Variants in CHFR observed in about 807,000 individuals in gnomAD.
CHFR encodes the protein E3 ubiquitin-protein ligase CHFR.
CHFR carries 57 observed loss-of-function variants against 87.6 expected under a neutral mutation model. The ratio of observed to expected loss-of-function variants is 0.65; its 90% confidence interval spans 0.53 to 0.81. The LOEUF (loss-of-function observed/expected upper bound fraction) is 0.81, where lower values mean the gene tolerates loss of function less well. CHFR is among the 30% of genes least tolerant of loss of function. CHFR has a pLI of 0.00. For synonymous variants in CHFR, 381 were observed against 359.2 expected, an observed-to-expected ratio of 1.06 and a Z score of -0.69; for missense variants, 797 against 865.8, an observed-to-expected ratio of 0.92 and a Z score of 1.00.
chr12:132,870,643 G>C, intron 5 of CHFR, 81 bp downstream of exon 5: 1 of 1,008,526 alleles, frequency 9.9e-7, no homozygotes, highest in South Asian at 1.4e-5. Flanking sequence ...CTGGGTAACA[G>C]AGCGAGACTC....
At chr12:132,845,530 G>A (rs905001441) in intron 15 of CHFR, among the ~76,000 whole-genome samples, 7 of 151,990 alleles carry the variant, frequency 4.6e-5, no homozygotes, top group Non-Finnish European at 1.0e-4. Flanking sequence ...CACGCTTGTG[G>A]TCCCAGCTAC....
At chr12:132,880,426 G>T (rs375022775) in intron 2 of CHFR, among the ~76,000 whole-genome samples, 4 of 150,690 alleles carry the variant, frequency 2.7e-5, no homozygotes, top group African/African-American at 5.0e-5. Context: ...GGAGGCCAAG[G>T]GGGGGGCGGA....
chr12:132,851,819 A>G, intron 11 of CHFR, 82 bp from the exon 12 acceptor site: 2 of 1,499,828 alleles, frequency 1.3e-6, no homozygotes, highest in Non-Finnish European at 1.8e-6. Context: ...CGGGAAGCAC[A>G]GCGAGGAGAG....
intron 7 of CHFR, among the ~76,000 whole-genome samples, chr12:132,859,447 T>C (rs1050098408): frequency 6.6e-6 from 1 of 151,256 alleles, no homozygotes; most frequent in African/African-American, 2.4e-5. Flanking sequence ...GCCTCCCGGG[T>C]TCATGCCATT....
intron 11 of CHFR, among the ~76,000 whole-genome samples, 167 bp from the exon 12 acceptor site, chr12:132,851,904 G>A (rs190142905): frequency 3.7e-4 from 56 of 152,286 alleles, no homozygotes; most frequent in African/African-American, 1.2e-3. Context: ...ACCCAAACTC[G>A]GGGAGTCAAA....
At chr12:132,863,183 A>C (rs1052446751) in intron 6 of CHFR, among the ~76,000 whole-genome samples, 1 of 141,042 alleles carries the variant, frequency 7.1e-6, no homozygotes, top group South Asian at 2.6e-4. Context: ...GGCGTGAGCC[A>C]CCGCGCCCGG....
At chr12:132,870,855 T>A in intron 4 of CHFR, 72 bp from the exon 5 acceptor site, 1 of 873,790 alleles carries the variant, frequency 1.1e-6, no homozygotes, top group Non-Finnish European at 1.9e-6. Context: ...TTCTCTTCTG[T>A]TCTCCAGTCC....
chr12:132,887,163 C>G (rs1951916844), intron 2 of CHFR, 33 bp downstream of exon 2: 16 of 1,449,706 alleles, frequency 1.1e-5, no homozygotes, highest in African/African-American at 3.0e-5. Context: ...CTCTGCCCGG[C>G]CCCGGCCCCC....
chr12:132,838,437 C>A lies in CHFR; in HGVS notation c.*3117G>T, dbSNP rs1000192109. On this transcript the variant is annotated 3_prime_UTR_variant, in exon 18 of 18. Transcript: ENST00000450056. ...GGACGGGTTCACCTAGAACCTGAGG[C>A]CCCCTTCCCTGGCTTGGAGCCTGGG... 1 of 152,326 alleles carries A rather than the reference C, an allele frequency of 6.6e-6. No individual in the cohort carries two copies. Among genetic ancestry groups the A allele is most frequent in the African/African-American group, 2.4e-5 (1 of 41,450 alleles). 9.4% of individuals were successfully genotyped at this position (152,326 alleles called of 1,614,324 possible).
At chr12:132,856,743 G>A (rs183626521) in intron 9 of CHFR, 113 bp from the exon 10 acceptor site, 23 of 1,229,536 alleles carry the variant, frequency 1.9e-5, no homozygotes, top group Middle Eastern at 2.3e-4. Flanking sequence ...GGGTCTGGGC[G>A]GACCGCCCTC....
intron 2 of CHFR, among the ~76,000 whole-genome samples, chr12:132,885,146 A>C (rs1473387137): frequency 6.6e-6 from 1 of 151,880 alleles, no homozygotes; most frequent in Non-Finnish European, 1.5e-5. Context: ...GCGATAGCTC[A>C]CGCCTGTAAT....
chr12:132,877,238 G>A (rs1951650021), intron 3 of CHFR, among the ~76,000 whole-genome samples: 1 of 152,256 alleles, frequency 6.6e-6, no homozygotes, highest in South Asian at 2.1e-4. Flanking sequence ...CAGTACAGTA[G>A]CACGCTGTAT....
chr12:132,842,116 A>C (rs1950715801), intron 17 of CHFR, among the ~76,000 whole-genome samples: 1 of 151,890 alleles, frequency 6.6e-6, no homozygotes, highest in African/African-American at 2.4e-5. Context: ...CTCAAAAAAA[A>C]AAAAAAAAAA....
chr12:132,886,648 TTAAA>T (rs1278642687), intron 2 of CHFR, among the ~76,000 whole-genome samples: 3 of 152,218 alleles, frequency 2.0e-5, no homozygotes, highest in Admixed American at 1.3e-4. Context: ...TCCAGGTTTA[TTAAA>T]TAAATAAATA....
intron 11 of CHFR, 142 bp from the exon 12 acceptor site, chr12:132,851,879 C>T: frequency 1.1e-6 from 1 of 928,998 alleles, no homozygotes; most frequent in Non-Finnish European, 1.5e-6. Flanking sequence ...GCTAAACCAC[C>T]GGGGACCTTC....
intron 14 of CHFR, chr12:132,847,748 T>G: frequency 8.3e-7 from 1 of 1,200,016 alleles, no homozygotes; most frequent in Non-Finnish European, 1.0e-6. Context: ...GAAAAGGCCC[T>G]GGTCTTGCTA....
intron 15 of CHFR, among the ~76,000 whole-genome samples, chr12:132,844,799 G>C (rs909690062): frequency 2.6e-5 from 4 of 151,378 alleles, no homozygotes; most frequent in Non-Finnish European, 4.4e-5. Flanking sequence ...CCCGGCTAAT[G>C]TTTATACTTT....
intron 3 of CHFR, among the ~76,000 whole-genome samples, chr12:132,874,048 C>T (rs10870532): frequency 0.15 from 22,642 of 152,194 alleles, 1,956 homozygotes; most frequent in Middle Eastern, 0.22. Flanking sequence ...AGGAACGTGG[C>T]ACCTCTGGAA....
At chr12:132,887,064 T>C (rs770759398) in intron 2 of CHFR, 132 bp downstream of exon 2, 8 of 701,928 alleles carry the variant, frequency 1.1e-5, no homozygotes, top group Middle Eastern at 4.2e-4. Flanking sequence ...ACCGAATAAA[T>C]ACCAGTTCTT....
Sources: gnomAD v4.1 joint callset for allele counts (sites outside exome capture counted in the v4.1 genomes callset) on GRCh38, gnomAD v4.1.1 for gene constraint, MANE v1.5 for transcripts, NCBI Gene and HGNC (gene_info 2026-07-23, HGNC 2026-07-21) for gene names.